LYPLAL1: variants seen among roughly 807,000 people sequenced by gnomAD.
The protein encoded by LYPLAL1 is lysophospholipase like 1, also known as lysophospholipase-like protein 1.
In LYPLAL1, 23 loss-of-function variants were observed where a neutral mutation model predicts 19.7. That is an observed-to-expected ratio of 1.17 (90% CI 0.84 to 1.65). The LOEUF is 1.65. Among genes scored for constraint, LYPLAL1 ranks in the 40% most tolerant of loss-of-function variants. The probability of loss-of-function intolerance (pLI) is 0.00; values close to 1 mark genes in which losing one functional copy is unlikely to be tolerated. For synonymous variants in LYPLAL1, 119 were observed against 96.3 expected (o/e 1.24, Z -1.38); for missense variants, 355 against 279.4 (o/e 1.27, Z -1.93).
chr1:219,233,004 A>G, the LYPLAL1 span, among the ~76,000 whole-genome samples: 1 of 152,198 alleles, frequency 6.6e-6, no homozygotes, highest in African/African-American at 2.4e-5. Flanking sequence ...TAAAAATAGA[A>G]TTACCTTATG....
downstream of LYPLAL1, among the ~76,000 whole-genome samples, chr1:219,214,120 G>T (rs1659200413): frequency 6.6e-6 from 1 of 152,070 alleles, no homozygotes. Flanking sequence ...TTTGTCAAAT[G>T]ATTTTTTTGC....
At chr1:219,280,131 T>G in the LYPLAL1 span, among the ~76,000 whole-genome samples, 1 of 152,188 alleles carries the variant, frequency 6.6e-6, no homozygotes, top group Non-Finnish European at 1.5e-5. Flanking sequence ...TGAATGCCAT[T>G]TTCATCGCTT....
the LYPLAL1 span, among the ~76,000 whole-genome samples, chr1:219,417,765 C>T: frequency 6.6e-6 from 1 of 152,198 alleles, no homozygotes; most frequent in Non-Finnish European, 1.5e-5. Context: ...ATAATTGGAA[C>T]AAGGGAATCT....
intron 2 of LYPLAL1, among the ~76,000 whole-genome samples, chr1:219,180,702 T>C (rs368357652): frequency 6.6e-6 from 1 of 152,194 alleles, no homozygotes; most frequent in Non-Finnish European, 1.5e-5. Context: ...TAAATATAAA[T>C]ACAATTGTCT....
At chr1:219,395,064 G>A in the LYPLAL1 span, among the ~76,000 whole-genome samples, 1 of 152,192 alleles carries the variant, frequency 6.6e-6, no homozygotes, top group East Asian at 1.9e-4. Context: ...TTGCTACTGT[G>A]AATAGTGCTG....
At chr1:219,214,867 C>T (rs1320192187), downstream of LYPLAL1, among the ~76,000 whole-genome samples, 1 of 151,568 alleles carries the variant, frequency 6.6e-6, no homozygotes, top group Non-Finnish European at 1.5e-5. Context: ...TTTTTGTATT[C>T]TTAATAGAGA....
At chr1:219,285,318 A>C in the LYPLAL1 span, among the ~76,000 whole-genome samples, 2 of 152,210 alleles carry the variant, frequency 1.3e-5, no homozygotes, top group Admixed American at 6.5e-5. Context: ...ACTGCTGTAT[A>C]ATACAATGTT....
chr1:219,190,051 G>T (rs964644518), intron 2 of LYPLAL1, among the ~76,000 whole-genome samples: 1 of 151,428 alleles, frequency 6.6e-6, no homozygotes, highest in African/African-American at 2.4e-5. Context: ...ATACTAAATA[G>T]AAACTAACTT....
chr1:219,211,821 AAT>A lies in LYPLAL1; in HGVS notation c.*95_*96del. On this transcript the variant is annotated 3_prime_UTR_variant, in exon 5 of 5. Coordinates refer to ENST00000366928, the MANE Select transcript of LYPLAL1 (RefSeq NM_138794.5). ...TATAATGATAATTAAAATATTAAGA[AAT>A]AACACTTTCCTGACTTTTTTATTAT... 1 of 808,414 alleles carries A rather than the reference AAT, an allele frequency of 1.2e-6. No individual in the cohort carries two copies. Among genetic ancestry groups the A allele is most frequent in the East Asian group, 2.7e-5 (1 of 36,500 alleles). The allele number at this position is 808,414 out of a possible 1,614,324, so 50.1% of individuals were successfully genotyped here. A position where few individuals can be genotyped will look rare whatever the true frequency, so the allele number is the denominator to read the frequency against.
chr1:219,263,812 C>T, the LYPLAL1 span, among the ~76,000 whole-genome samples: 2 of 152,124 alleles, frequency 1.3e-5, no homozygotes, highest in Admixed American at 6.6e-5. Context: ...TTTCAGATTC[C>T]GCAGTGGGAT....
intron 1 of LYPLAL1, 93 bp from the exon 2 acceptor site, chr1:219,179,054 C>G: frequency 1.3e-6 from 1 of 771,440 alleles, no homozygotes; most frequent in Non-Finnish European, 2.0e-6. Context: ...ATCCTTTATT[C>G]CATCCTCTGT....
At chr1:219,226,794 A>G in the LYPLAL1 span, among the ~76,000 whole-genome samples, 3 of 152,224 alleles carry the variant, frequency 2.0e-5, no homozygotes, top group African/African-American at 7.2e-5. Flanking sequence ...TTAATTTTCA[A>G]GCAACTGTTG....
the LYPLAL1 span, chr1:219,411,668 T>C: frequency 1.3e-5 from 2 of 152,544 alleles, no homozygotes; most frequent in African/African-American, 4.8e-5. Context: ...TAAATCTTGC[T>C]ACTGCTCAGT....
the LYPLAL1 span, among the ~76,000 whole-genome samples, chr1:219,286,233 G>T: frequency 6.6e-6 from 1 of 152,128 alleles, no homozygotes; most frequent in Non-Finnish European, 1.5e-5. Context: ...AAACTAGGGG[G>T]TTCCTAGGGC....
At chr1:219,301,932 T>A in the LYPLAL1 span, among the ~76,000 whole-genome samples, 2 of 152,134 alleles carry the variant, frequency 1.3e-5, no homozygotes, top group South Asian at 2.1e-4. Context: ...TTGAATTTTT[T>A]AAAAAATACA....
the LYPLAL1 span, among the ~76,000 whole-genome samples, chr1:219,373,510 ACT>A: frequency 6.6e-6 from 1 of 151,710 alleles, no homozygotes; most frequent in African/African-American, 2.4e-5. Context: ...TCTAATTATG[ACT>A]CTCTCCAGTG....
chr1:219,443,599 A>G, the LYPLAL1 span, among the ~76,000 whole-genome samples: 1 of 152,178 alleles, frequency 6.6e-6, no homozygotes, highest in East Asian at 1.9e-4. Flanking sequence ...AAGTGAAAGA[A>G]CACATAACGA....
At chr1:219,217,230 T>G (rs965955302), downstream of LYPLAL1, among the ~76,000 whole-genome samples, 1 of 152,192 alleles carries the variant, frequency 6.6e-6, no homozygotes, top group African/African-American at 2.4e-5. Flanking sequence ...GTCATAGATA[T>G]CATGCTTGTG....
the LYPLAL1 span, among the ~76,000 whole-genome samples, chr1:219,338,435 T>C: frequency 6.6e-6 from 1 of 151,988 alleles, no homozygotes; most frequent in Non-Finnish European, 1.5e-5. Context: ...CATTCTGTTG[T>C]TGCTTAAGTC....
Sources: allele counts gnomAD v4.1 joint callset (sites outside exome capture counted in the v4.1 genomes callset), GRCh38; gene constraint gnomAD v4.1.1; transcripts MANE v1.5; gene names NCBI Gene and HGNC (gene_info 2026-07-23, HGNC 2026-07-21).